KCNMA1: variants seen among roughly 807,000 people sequenced by gnomAD.
The protein encoded by KCNMA1 is Calcium-activated potassium channel subunit alpha-1.
A neutral mutation model predicts 140.0 loss-of-function variants in KCNMA1; 29 were observed. The ratio of observed to expected loss-of-function variants is 0.21; its 90% CI spans 0.15 to 0.28. KCNMA1 has a LOEUF of 0.28. KCNMA1 is among the 10% of genes least tolerant of loss of function. The pLI is 1.00. For synonymous variants in KCNMA1, 612 were observed against 611.9 expected, an observed-to-expected ratio of 1.00 and a Z score of 0.00; for missense variants, 880 against 1,602.2, an observed-to-expected ratio of 0.55 and a Z score of 7.70.
intron 9 of KCNMA1, among the ~76,000 whole-genome samples, chr10:77,095,528 G>T (rs910759499): frequency 6.6e-6 from 1 of 152,160 alleles, no homozygotes; most frequent in Non-Finnish European, 1.5e-5. Context: ...TAACTGAAAA[G>T]GGCAGTGCGG....
At chr10:76,958,891 T>C (rs2069587074) in intron 20 of KCNMA1, among the ~76,000 whole-genome samples, 1 of 152,288 alleles carries the variant, frequency 6.6e-6, no homozygotes, top group African/African-American at 2.4e-5. Flanking sequence ...ATAGCCCACC[T>C]TGAAGAAAAA....
At chr10:76,896,160 G>A (rs1040291194) in intron 25 of KCNMA1, among the ~76,000 whole-genome samples, 3 of 152,184 alleles carry the variant, frequency 2.0e-5, no homozygotes, top group South Asian at 2.1e-4. Context: ...TCCCTTATCT[G>A]CAACTCCATA....
chr10:77,160,256 A>G (rs1423973558), intron 5 of KCNMA1, among the ~76,000 whole-genome samples: 2 of 152,044 alleles, frequency 1.3e-5, no homozygotes, highest in Non-Finnish European at 2.9e-5. Flanking sequence ...ACACCAGTCC[A>G]CTTCCTGGCT....
rs35370605 is a variant in KCNMA1, at chr10:77,544,150, CTGTGTGTG to C, written c.378+93107_378+93114del. On this transcript the variant is annotated intron_variant, in intron 1 of 27. Transcript: ENST00000286628. Reference sequence around the variant, plus strand: ...ATCTGTGATCTACATATCTTTCCAGCTGTGTGTGTGTGTGTGTGTGTGTGTGTGTGTGT... The same window carrying C: ...ATCTGTGATCTACATATCTTTCCAGCTGTGTGTGTGTGTGTGTGTGTGTGT... Among the ~76,000 whole-genome samples the C allele has an allele frequency of 5.8e-3, 822 of 142,548 alleles. 7 individuals are homozygous for C. The highest frequency in any genetic ancestry group is 0.051 in the East Asian group (248 of 4,872). 93.5% of individuals were successfully genotyped at this position (142,548 alleles called of 152,430 possible).
intron 2 of KCNMA1, among the ~76,000 whole-genome samples, chr10:77,377,672 T>C (rs931108925): frequency 6.6e-6 from 1 of 152,184 alleles, no homozygotes; most frequent in African/African-American, 2.4e-5. Context: ...TCAGTTAGTG[T>C]ACACAGAGCT....
At chr10:77,333,388 GAAAGAAAGAAAGA>G (rs1335758322) in intron 2 of KCNMA1, among the ~76,000 whole-genome samples, 2 of 82,960 alleles carry the variant, frequency 2.4e-5, no homozygotes, top group Non-Finnish European at 4.9e-5. Flanking sequence ...AAGAGAGAAA[GAAAGAAAGAAAGA>G]AAAGAAAAGA....
At chr10:76,990,620 G>A (rs1351407402) in intron 19 of KCNMA1, among the ~76,000 whole-genome samples, 1 of 152,114 alleles carries the variant, frequency 6.6e-6, no homozygotes. Context: ...TAGCATAGTT[G>A]CAGCTTTTAT....
At chr10:77,066,847 A>G (rs2095972971) in intron 14 of KCNMA1, among the ~76,000 whole-genome samples, 3 of 152,086 alleles carry the variant, frequency 2.0e-5, no homozygotes, top group Non-Finnish European at 4.4e-5. Flanking sequence ...CTCTGGTACC[A>G]CTAGTTGTTC....
intron 1 of KCNMA1, among the ~76,000 whole-genome samples, chr10:77,456,476 T>C (rs1449131889): frequency 1.3e-5 from 2 of 152,210 alleles, no homozygotes; most frequent in Non-Finnish European, 2.9e-5. Flanking sequence ...TGTTCTCTTG[T>C]TTGTTTTCTG....
intron 5 of KCNMA1, among the ~76,000 whole-genome samples, chr10:77,158,290 T>G (rs1291332157): frequency 6.6e-6 from 1 of 152,168 alleles, no homozygotes; most frequent in East Asian, 1.9e-4. Flanking sequence ...AAAGCTATAA[T>G]AGACCCTTTG....
chr10:77,432,312 G>C (rs1418978376), intron 1 of KCNMA1, among the ~76,000 whole-genome samples: 1 of 152,200 alleles, frequency 6.6e-6, no homozygotes, highest in African/African-American at 2.4e-5. Context: ...GTGAGGCTGG[G>C]AAGGCCCTGC....
intron 2 of KCNMA1, among the ~76,000 whole-genome samples, chr10:77,398,005 A>AAT (rs1250031089): frequency 6.6e-6 from 1 of 150,778 alleles, no homozygotes; most frequent in East Asian, 1.9e-4. Context: ...ATATAAATGT[A>AAT]ATATATATAC....
At chr10:77,266,404 C>T (rs947063448) in intron 2 of KCNMA1, among the ~76,000 whole-genome samples, 1 of 152,266 alleles carries the variant, frequency 6.6e-6, no homozygotes, top group South Asian at 2.1e-4. Context: ...ACTGCAAGAA[C>T]TTTTTGGCAA....
intron 15 of KCNMA1, among the ~76,000 whole-genome samples, chr10:77,035,466 A>G (rs1327496582): frequency 6.6e-6 from 1 of 152,190 alleles, no homozygotes; most frequent in East Asian, 1.9e-4. Flanking sequence ...GCCAGACAGT[A>G]AACTCTGGAG....
chr10:77,347,692 CT>C (rs1367793906), intron 2 of KCNMA1, among the ~76,000 whole-genome samples: 2 of 152,112 alleles, frequency 1.3e-5, no homozygotes, highest in Admixed American at 6.6e-5. Flanking sequence ...GCTTTGTGAC[CT>C]TTGACCTAAG....
At chr10:77,362,620 C>A (rs620354) in intron 2 of KCNMA1, among the ~76,000 whole-genome samples, 62,447 of 151,638 alleles carry the variant, frequency 0.41, 12,994 homozygotes, top group Admixed American at 0.46. Context: ...CTCAGCATGG[C>A]CCTGCCTGAC....
At chr10:77,224,847 A>AT (rs1178693150) in intron 3 of KCNMA1, among the ~76,000 whole-genome samples, 14 of 152,326 alleles carry the variant, frequency 9.2e-5, no homozygotes, top group African/African-American at 3.4e-4. Flanking sequence ...TAAGGCTCAG[A>AT]AGAGCTAATA....
chr10:77,381,897 T>C (rs2095401237), intron 2 of KCNMA1, among the ~76,000 whole-genome samples: 1 of 152,198 alleles, frequency 6.6e-6, no homozygotes, highest in South Asian at 2.1e-4. Context: ...CAATGCCACT[T>C]ATCCTAGCCA....
Position 76,886,942 on chromosome 10 carries a change from G to A in KCNMA1, c.*324C>T, listed in dbSNP as rs948265149. ...TTAAATAAACTTGCTCTGCCTAACT[G>A]ACGTTGATCACAAGTGCTCCCTTCT... is the stretch of plus-strand genomic sequence containing the variant. On this transcript the variant is annotated 3_prime_UTR_variant, in exon 28 of 28. Transcript: ENST00000286628. 12 of 1,197,212 alleles carry A rather than the reference G, an allele frequency of 1.0e-5. No homozygotes were observed. In the African/African-American group the frequency reaches 1.9e-4, roughly 19 times the overall value. The allele number at this position is 1,197,212 out of a possible 1,614,324, so 74.2% of individuals were successfully genotyped here.
Sources: gnomAD v4.1 joint callset for allele counts (sites outside exome capture counted in the v4.1 genomes callset) on GRCh38, gnomAD v4.1.1 for gene constraint, MANE v1.5 for transcripts, NCBI Gene and HGNC (gene_info 2026-07-23, HGNC 2026-07-21) for gene names.